Variants in PHF24 observed in about 807,000 individuals in gnomAD.
PHF24 encodes Galpha inhibitory interacting protein.
PHF24 carries 25 observed loss-of-function variants against 42.6 expected under a neutral mutation model. The observed-to-expected ratio is 0.59, with a 90% CI of 0.43 to 0.82. PHF24 has a LOEUF of 0.82. PHF24 is among the 40% of genes least tolerant of loss of function. The pLI, the probability that PHF24 is intolerant of heterozygous loss-of-function variation, is 0.00. For missense variants in PHF24, 470 were observed against 538.1 expected, an observed-to-expected ratio of 0.87 and a Z score of 1.25; for synonymous variants, 185 against 204.8, an observed-to-expected ratio of 0.90 and a Z score of 0.83.
chr9:34,791,583 A>T, the PHF24 span, among the ~76,000 whole-genome samples: 1 of 1,946 alleles, frequency 5.1e-4, no homozygotes. Context: ...ATATAGATTT[A>T]AAAAAAAAAA....
At chr9:34,978,271 C>T (rs1208933964) in exon 8 of PHF24, 1 of 610,488 alleles carries the variant, frequency 1.6e-6, no homozygotes, top group Non-Finnish European at 2.9e-6. Flanking sequence ...CACCATTCCC[C>T]TCACAATAGA....
chr9:34,777,031 A>T, the PHF24 span, among the ~76,000 whole-genome samples: 1 of 152,214 alleles, frequency 6.6e-6, no homozygotes, highest in Non-Finnish European at 1.5e-5. Context: ...GGATGCAGTT[A>T]TTAGAGGAGG....
chr9:34,684,004 G>T, the PHF24 span, among the ~76,000 whole-genome samples: 61 of 152,320 alleles, frequency 4.0e-4, no homozygotes, highest in Middle Eastern at 3.4e-3. Flanking sequence ...TCTGGGAGTG[G>T]TTCTGGCTGC....
chr9:34,965,216 C>T (rs998641228), intron 1 of PHF24, among the ~76,000 whole-genome samples: 5 of 152,198 alleles, frequency 3.3e-5, no homozygotes, highest in Admixed American at 1.3e-4. Context: ...TTTCAGCACA[C>T]ACACTTTTAA....
the PHF24 span, among the ~76,000 whole-genome samples, chr9:34,865,390 C>A: frequency 6.6e-6 from 1 of 151,468 alleles, no homozygotes. Context: ...ATTGTGAAAC[C>A]CTGCTTCTAC....
the PHF24 span, among the ~76,000 whole-genome samples, chr9:34,879,366 A>C: frequency 1.3e-5 from 2 of 152,222 alleles, no homozygotes; most frequent in Non-Finnish European, 2.9e-5. Flanking sequence ...AATGACTTTG[A>C]TGAGTTGAGA....
At chr9:34,723,523 A>G in the PHF24 span, 2 of 1,551,808 alleles carry the variant, frequency 1.3e-6, no homozygotes, top group East Asian at 2.4e-5. Flanking sequence ...CCACCTTCGC[A>G]GCGGCTGAGA....
At chr9:34,878,599 A>C in the PHF24 span, among the ~76,000 whole-genome samples, 1 of 152,340 alleles carries the variant, frequency 6.6e-6, no homozygotes, top group Admixed American at 6.5e-5. Flanking sequence ...TCCCACGCCC[A>C]TGGAGCCTCA....
chr9:34,917,063 A>C, the PHF24 span: 2 of 668,084 alleles, frequency 3.0e-6, no homozygotes, highest in Non-Finnish European at 5.5e-6. Flanking sequence ...GAGTGGGTGA[A>C]GAGCGGAGCG....
chr9:34,795,882 T>C, the PHF24 span, among the ~76,000 whole-genome samples: 2 of 151,854 alleles, frequency 1.3e-5, no homozygotes, highest in African/African-American at 4.8e-5. Flanking sequence ...CCTGTAGTCC[T>C]AGCTACCTGC....
chr9:34,792,896 G>A, the PHF24 span, among the ~76,000 whole-genome samples: 3 of 152,198 alleles, frequency 2.0e-5, no homozygotes, highest in Non-Finnish European at 4.4e-5. Context: ...GGTGGAAATT[G>A]TAGTCAGGGA....
At chr9:34,720,966 T>C in the PHF24 span, among the ~76,000 whole-genome samples, 3 of 152,166 alleles carry the variant, frequency 2.0e-5, no homozygotes, top group African/African-American at 7.2e-5. Context: ...TCCATACGGT[T>C]CCCCCTTCCC....
At chr9:34,781,078 A>G in the PHF24 span, among the ~76,000 whole-genome samples, 3 of 152,194 alleles carry the variant, frequency 2.0e-5, no homozygotes, top group Admixed American at 6.5e-5. Flanking sequence ...CAGTTTGGCA[A>G]TTTTTCTGAA....
At chr9:34,700,606 A>G in the PHF24 span, among the ~76,000 whole-genome samples, 1 of 152,192 alleles carries the variant, frequency 6.6e-6, no homozygotes, top group Non-Finnish European at 1.5e-5. Context: ...TGTTGGGCAT[A>G]TTAATGGAAA....
the PHF24 span, among the ~76,000 whole-genome samples, chr9:34,923,844 C>T: frequency 1.3e-5 from 2 of 151,040 alleles, no homozygotes; most frequent in African/African-American, 4.9e-5. Context: ...CTTTTTTCTT[C>T]TAATTTTGAG....
At chr9:34,940,606 T>G in the PHF24 span, among the ~76,000 whole-genome samples, 8,326 of 152,170 alleles carry the variant, frequency 0.055, 269 homozygotes, top group Non-Finnish European at 0.072. Context: ...TAAAATAAGT[T>G]CCCTCTTTGT....
At chr9:34,667,299 C>T in the PHF24 span, among the ~76,000 whole-genome samples, 1 of 152,176 alleles carries the variant, frequency 6.6e-6, no homozygotes, top group Non-Finnish European at 1.5e-5. Flanking sequence ...GGATACCCCT[C>T]TTCTCTCCCT....
chr9:34,877,958 G>A, the PHF24 span, among the ~76,000 whole-genome samples: 1 of 152,022 alleles, frequency 6.6e-6, no homozygotes, highest in Non-Finnish European at 1.5e-5. Flanking sequence ...AAATTATTCA[G>A]TATGATACTG....
At chr9:34,846,524 A>C in the PHF24 span, among the ~76,000 whole-genome samples, 147,204 of 149,394 alleles carry the variant, frequency 0.99, 72,542 homozygotes, top group East Asian at 1. Context: ...AGTAGGTTGC[A>C]AAAATTTTCT....
Sources: gnomAD v4.1 joint callset for allele counts (sites outside exome capture counted in the v4.1 genomes callset) on GRCh38, gnomAD v4.1.1 for gene constraint, MANE v1.5 for transcripts, NCBI Gene and HGNC (gene_info 2026-07-23, HGNC 2026-07-21) for gene names.